ARHGAP22: variants seen among roughly 807,000 people sequenced by gnomAD.
ARHGAP22 encodes Rho GTPase activating protein 22, also known as rho GTPase-activating protein 22.
In ARHGAP22, 48 loss-of-function variants were observed where a neutral mutation model predicts 59.1. That is an observed-to-expected ratio of 0.81 (90% CI 0.64 to 1.03). The LOEUF is 1.03. ARHGAP22 is among the 50% of genes least tolerant of loss of function. ARHGAP22 has a pLI of 0.00. For synonymous variants in ARHGAP22, 445 were observed against 416.4 expected, an observed-to-expected ratio of 1.07 and a Z score of -0.84; for missense variants, 1,015 against 958.7, an observed-to-expected ratio of 1.06 and a Z score of -0.78.
chr10:48,580,411 G>A (rs947307085), intron 2 of ARHGAP22, among the ~76,000 whole-genome samples: 8 of 152,296 alleles, frequency 5.3e-5, no homozygotes, highest in Non-Finnish European at 8.8e-5. Context: ...TAAGGAATAC[G>A]TGGGGAAGCC....
rs529610297 is a variant in ARHGAP22 at position 48,523,641 on chromosome 10, G to A, written c.322+31822C>T. 2.6e-5 allele frequency among the ~76,000 whole-genome samples: 4 copies of A among 152,172 alleles called. No homozygotes were observed. In the East Asian group the frequency reaches 7.8e-4, roughly 30 times the overall value. On this transcript the variant is annotated intron_variant, in intron 3 of 9. Coordinates refer to ENST00000249601, the MANE Select transcript of ARHGAP22 (RefSeq NM_021226.4). Reference sequence around the variant, plus strand: ...CAGTTAAGCCGCAGGGGCGGCGCAGGGCGCGCGCCGGGCTCGCGGTGCAGA... The same window carrying A: ...CAGTTAAGCCGCAGGGGCGGCGCAGAGCGCGCGCCGGGCTCGCGGTGCAGA...
intron 3 of ARHGAP22, among the ~76,000 whole-genome samples, chr10:48,480,697 C>T (rs993331006): frequency 2.0e-5 from 3 of 152,240 alleles, no homozygotes; most frequent in African/African-American, 7.2e-5. Context: ...CACACACATG[C>T]CCTCCTGGGG....
chr10:48,547,116 T>G (rs2056507695), intron 3 of ARHGAP22, among the ~76,000 whole-genome samples: 1 of 151,902 alleles, frequency 6.6e-6, no homozygotes, highest in Non-Finnish European at 1.5e-5. Context: ...CTGTTGAGAG[T>G]GTGTGGAAAA....
At chr10:48,566,500 G>A (rs182090156) in intron 2 of ARHGAP22, among the ~76,000 whole-genome samples, 126 of 152,310 alleles carry the variant, frequency 8.3e-4, no homozygotes, top group African/African-American at 2.9e-3. Context: ...GTAAAGGAAC[G>A]TTCCCTCCCT....
chr10:48,504,926 A>G (rs2051930412), intron 3 of ARHGAP22, among the ~76,000 whole-genome samples: 1 of 152,096 alleles, frequency 6.6e-6, no homozygotes, highest in South Asian at 2.1e-4. Flanking sequence ...ATTTGAGAGC[A>G]TGGGGTTCAA....
chr10:48,512,159 T>G (rs943889642), intron 3 of ARHGAP22, among the ~76,000 whole-genome samples: 1 of 152,264 alleles, frequency 6.6e-6, no homozygotes, highest in Non-Finnish European at 1.5e-5. Flanking sequence ...GTCCCAGGCC[T>G]TTTGTTGCCA....
chr10:48,622,600 G>A (rs2061321313), intron 1 of ARHGAP22, among the ~76,000 whole-genome samples: 1 of 152,130 alleles, frequency 6.6e-6, no homozygotes, highest in African/African-American at 2.4e-5. Context: ...TGGAACTTGG[G>A]TTTTGGAATT....
At chr10:48,485,584 G>A (rs2134149952) in intron 3 of ARHGAP22, among the ~76,000 whole-genome samples, 1 of 152,296 alleles carries the variant, frequency 6.6e-6, no homozygotes, top group East Asian at 1.9e-4. Context: ...CAATTATTGA[G>A]AGAAGGCTAT....
chr10:48,454,235 G>T, intron 6 of ARHGAP22, 74 bp from the exon 7 acceptor site: 2 of 1,377,738 alleles, frequency 1.5e-6, no homozygotes, highest in Non-Finnish European at 2.1e-6. Flanking sequence ...GAGGAGGGGT[G>T]GGCAAAGAGA....
chr10:48,516,871 C>G (rs1479154163), intron 3 of ARHGAP22, among the ~76,000 whole-genome samples: 1 of 152,126 alleles, frequency 6.6e-6, no homozygotes, highest in African/African-American at 2.4e-5. Flanking sequence ...TCCAAATCTA[C>G]TGATGAATGG....
At chr10:48,465,192 G>T (rs1288692335) in intron 4 of ARHGAP22, among the ~76,000 whole-genome samples, 2 of 152,252 alleles carry the variant, frequency 1.3e-5, no homozygotes, top group Non-Finnish European at 2.9e-5. Context: ...CCCAGCCATC[G>T]TGTGGGTTCC....
chr10:48,483,817 CAACGGGTT>C (rs1435953568), intron 3 of ARHGAP22, among the ~76,000 whole-genome samples: 2 of 152,160 alleles, frequency 1.3e-5, no homozygotes, highest in Admixed American at 6.5e-5. Flanking sequence ...TTCTCCTATT[CAACGGGTT>C]GTCTCTTCAC....
intron 1 of ARHGAP22, among the ~76,000 whole-genome samples, chr10:48,641,047 A>T (rs1017161225): frequency 6.6e-6 from 1 of 152,182 alleles, no homozygotes; most frequent in Non-Finnish European, 1.5e-5. Flanking sequence ...TCTGAAGTAG[A>T]TTAAGGTAAA....
chr10:48,555,509 A>G lies in ARHGAP22; in HGVS notation c.276T>C (p.Pro92=), dbSNP rs2057241757. 2.5e-6 allele frequency: 4 copies of G among 1,614,206 alleles called. No homozygotes were observed. Among genetic ancestry groups the G allele is most frequent in the East Asian group, 4.5e-5 (2 of 44,888 alleles). The part of the protein sequence containing the change: ...SLQGTQVTEL[P]PGPEDPGKHL... ...GCTTCCCTGGGTCCTCGGGGCCAGG[A>G]GGAAGTTCAGTCACCTGTGTCCCTT... Residue 92 remains proline, a synonymous_variant, in exon 3 of 10, where the codon CCT becomes CCC. Coordinates refer to ENST00000249601, the MANE Select transcript of ARHGAP22 (RefSeq NM_021226.4).
At chr10:48,654,773 A>ACTTTCTTTCTTTCTTTCTTTCTTT (rs201340687), upstream of ARHGAP22, among the ~76,000 whole-genome samples, 1 of 112,264 alleles carries the variant, frequency 8.9e-6, no homozygotes, top group African/African-American at 3.4e-5. Context: ...CATGCTGATT[A>ACTTTCTTTCTTTCTTTCTTTCTTT]CTTTCTTTCT....
At chr10:48,496,985 C>T (rs867743057) in intron 3 of ARHGAP22, among the ~76,000 whole-genome samples, 3 of 152,026 alleles carry the variant, frequency 2.0e-5, no homozygotes, top group Non-Finnish European at 2.9e-5. Flanking sequence ...TGCAGGGGGC[C>T]CAGGGCCCAC....
intron 1 of ARHGAP22, 66 bp from the exon 2 acceptor site, chr10:48,583,218 C>A: frequency 6.5e-7 from 1 of 1,542,560 alleles, no homozygotes; most frequent in Non-Finnish European, 8.8e-7. Context: ...CTGCCCCCAT[C>A]CTGGTGTCCC....
Position 48,450,898 on chromosome 10 carries a change from C to G in ARHGAP22, c.1231G>C (p.Gly411Arg). ...CCAGGGCTGCACCGGCTCCCCGGCC[C>G]CGTGGGGGCTGTTCTGGAGAGCACC... ...VAVLSRTAPT[G>R]PGSRCSPGKK... The change falls in exon 9 of 10, where the codon GGG becomes CGG. Residue 411 changes from glycine (G) to arginine (R), a missense_variant. Coordinates refer to ENST00000249601, the MANE Select transcript of ARHGAP22 (RefSeq NM_021226.4). The G allele has an allele frequency of 1.9e-6, 3 of 1,590,746 alleles. No homozygotes were observed. The highest frequency in any genetic ancestry group is 2.6e-6 in the Non-Finnish European group (3 of 1,170,194).
At chr10:48,560,050 T>C (rs1022012646) in intron 2 of ARHGAP22, among the ~76,000 whole-genome samples, 1 of 152,202 alleles carries the variant, frequency 6.6e-6, no homozygotes. Flanking sequence ...TGTGAATATG[T>C]TATGCTACAT....
Sources: gnomAD v4.1 joint callset for allele counts (sites outside exome capture counted in the v4.1 genomes callset) on GRCh38, gnomAD v4.1.1 for gene constraint, MANE v1.5 for transcripts, NCBI Gene and HGNC (gene_info 2026-07-23, HGNC 2026-07-21) for gene names.